IQCM: variants seen among roughly 807,000 people sequenced by gnomAD.
IQCM encodes IQ domain-containing protein M.
Under a neutral mutation model 57.6 loss-of-function variants are expected in IQCM, and 45 were observed. The observed-to-expected ratio is 0.78, with a 90% CI of 0.62 to 1.00. IQCM has a LOEUF of 1.00. IQCM is among the 50% of genes least tolerant of loss of function. IQCM has a pLI of 0.00. For missense variants in IQCM, 468 were observed against 511.6 expected (o/e 0.91, Z 0.82); for synonymous variants, 148 against 158.9 (o/e 0.93, Z 0.51).
chr4:149,804,303 G>T (rs1322516768), intron 2 of IQCM, among the ~76,000 whole-genome samples: 1 of 152,026 alleles, frequency 6.6e-6, no homozygotes, highest in South Asian at 2.1e-4. Flanking sequence ...AATTTACAAA[G>T]TATGGGGGCC....
chr4:149,653,557 A>G (rs1262811463), intron 7 of IQCM, among the ~76,000 whole-genome samples: 2 of 152,098 alleles, frequency 1.3e-5, no homozygotes, highest in East Asian at 3.9e-4. Context: ...GCATGAGTGT[A>G]GAAAAGAACA....
chr4:149,660,426 A>T (rs959982605), intron 7 of IQCM, among the ~76,000 whole-genome samples: 15 of 151,576 alleles, frequency 9.9e-5, no homozygotes, highest in Admixed American at 3.9e-4. Context: ...CAGTGTGGCG[A>T]TTCCTCAGGG....
chr4:149,622,152 A>C (rs928170984), intron 7 of IQCM, among the ~76,000 whole-genome samples: 1 of 152,158 alleles, frequency 6.6e-6, no homozygotes. Context: ...AGTAACATAA[A>C]ATAATAAAAA....
At chr4:149,734,990 G>A (rs1272240276) in intron 4 of IQCM, among the ~76,000 whole-genome samples, 1 of 152,052 alleles carries the variant, frequency 6.6e-6, no homozygotes, top group Non-Finnish European at 1.5e-5. Flanking sequence ...ATCATGCTAA[G>A]GTAATCATGC....
At chr4:149,394,167 A>T (rs1732058629) in intron 13 of IQCM, among the ~76,000 whole-genome samples, 2 of 151,884 alleles carry the variant, frequency 1.3e-5, no homozygotes, top group Admixed American at 6.6e-5. Context: ...ATAATTTAAC[A>T]TATCTTGGTT....
chr4:149,413,496 C>A (rs970002722), intron 13 of IQCM, among the ~76,000 whole-genome samples: 2 of 152,124 alleles, frequency 1.3e-5, no homozygotes, highest in Non-Finnish European at 2.9e-5. Context: ...ACCACACACA[C>A]ACTAGGAAGA....
intron 13 of IQCM, among the ~76,000 whole-genome samples, chr4:149,402,907 A>G (rs933688739): frequency 1.3e-5 from 2 of 151,894 alleles, no homozygotes; most frequent in African/African-American, 4.8e-5. Context: ...CTAGTAAATG[A>G]CCAAACCAGG....
chr4:149,619,127 TATATAC>T (rs975217147), intron 8 of IQCM, among the ~76,000 whole-genome samples: 5 of 147,198 alleles, frequency 3.4e-5, no homozygotes, highest in African/African-American at 1.0e-4. Flanking sequence ...TATATATATA[TATATAC>T]ACCATGGAAT....
chr4:149,705,885 T>C (rs1024279555), intron 5 of IQCM, among the ~76,000 whole-genome samples: 4 of 151,618 alleles, frequency 2.6e-5, no homozygotes, highest in Admixed American at 2.6e-4. Context: ...CCTATATTAG[T>C]TTTGACTTCC....
At chr4:149,565,420 T>C (rs1233817100) in intron 9 of IQCM, among the ~76,000 whole-genome samples, 2 of 152,218 alleles carry the variant, frequency 1.3e-5, no homozygotes, top group African/African-American at 2.4e-5. Context: ...AGGTGGTAGA[T>C]GGCAGGAAAT....
chr4:149,751,941 G>C (rs1768488081), intron 2 of IQCM, among the ~76,000 whole-genome samples: 1 of 151,992 alleles, frequency 6.6e-6, no homozygotes, highest in Admixed American at 6.6e-5. Flanking sequence ...GGAATTCTAG[G>C]GACATGATAT....
chr4:149,506,565 C>A (rs1743836623), intron 12 of IQCM, among the ~76,000 whole-genome samples: 1 of 152,054 alleles, frequency 6.6e-6, no homozygotes, highest in African/African-American at 2.4e-5. Context: ...AGGATATATA[C>A]CCTTTGGAAA....
At chr4:149,678,398 A>C (rs997386758) in intron 7 of IQCM, among the ~76,000 whole-genome samples, 30 of 151,994 alleles carry the variant, frequency 2.0e-4, no homozygotes, top group African/African-American at 7.2e-4. Flanking sequence ...TGAAACAGAA[A>C]ATCTATTGCC....
chr4:149,593,955 G>A (rs969276341), intron 8 of IQCM, among the ~76,000 whole-genome samples: 2 of 152,132 alleles, frequency 1.3e-5, no homozygotes, highest in African/African-American at 2.4e-5. Context: ...TTGGTATCAG[G>A]ATGATGCTGG....
chr4:149,392,869 G>A (rs1271075148), intron 13 of IQCM, among the ~76,000 whole-genome samples: 1 of 151,894 alleles, frequency 6.6e-6, no homozygotes, highest in Admixed American at 6.6e-5. Context: ...AATATGATTT[G>A]AACCAAAATA....
chr4:149,759,698 G>A (rs1260695210), intron 2 of IQCM, among the ~76,000 whole-genome samples: 1 of 152,056 alleles, frequency 6.6e-6, no homozygotes, highest in Admixed American at 6.6e-5. Flanking sequence ...GGGAAATTAT[G>A]AAATATTTAA....
chr4:149,360,169 A>G (rs1366389319), intron 13 of IQCM, among the ~76,000 whole-genome samples: 1 of 152,200 alleles, frequency 6.6e-6, no homozygotes, highest in Non-Finnish European at 1.5e-5. Context: ...AATGTATATA[A>G]GTATAGTCAG....
intron 9 of IQCM, among the ~76,000 whole-genome samples, chr4:149,580,992 G>A (rs532697408): frequency 6.6e-6 from 1 of 151,720 alleles, no homozygotes; most frequent in Non-Finnish European, 1.5e-5. Context: ...TGTCCTTATT[G>A]AGCTTATATT....
intron 7 of IQCM, among the ~76,000 whole-genome samples, chr4:149,653,331 C>T (rs1265454741): frequency 6.6e-6 from 1 of 152,060 alleles, no homozygotes. Flanking sequence ...AAAGACAAAG[C>T]CACTAAGAAT....
Sources: allele counts gnomAD v4.1 joint callset (sites outside exome capture counted in the v4.1 genomes callset), GRCh38; gene constraint gnomAD v4.1.1; transcripts MANE v1.5; gene names NCBI Gene and HGNC (gene_info 2026-07-23, HGNC 2026-07-21).